XKR5: variants seen among roughly 807,000 people sequenced by gnomAD.
XKR5 encodes the protein XK-related protein 5.
XKR5 carries 46 observed loss-of-function variants against 40.8 expected under a neutral mutation model. That is an observed-to-expected ratio of 1.13 (90% CI 0.89 to 1.44). The LOEUF is 1.44. XKR5 is among the 40% of genes most tolerant of loss of function. The probability of loss-of-function intolerance (pLI) is 0.00; values close to 1 mark genes in which losing one functional copy is unlikely to be tolerated. For missense variants in XKR5, 1,169 were observed against 844.7 expected (o/e 1.38, Z -4.76); for synonymous variants, 466 against 356.1 (o/e 1.31, Z -3.48).
At position 6,820,243 on chromosome 8, in the gene XKR5, G is replaced by C. The variant is rs1431131952; in HGVS notation, c.807+1626C>G. ...CCCGGCCTGGATGGGTCTGTGCACAGCGAGAGAGATAAGGACACTCGTGCC... is the reference window on the plus strand; with the variant it reads ...CCCGGCCTGGATGGGTCTGTGCACACCGAGAGAGATAAGGACACTCGTGCC... On this transcript the variant is annotated intron_variant, in intron 5 of 6. Transcript: ENST00000618742. Among the ~76,000 whole-genome samples the C allele has an allele frequency of 2.6e-5, 4 of 152,364 alleles. No individual in the cohort carries two copies. In the South Asian group the frequency reaches 6.2e-4, roughly 24 times the overall value.
chr8:6,825,551 T>G (rs1804426443), intron 2 of XKR5, among the ~76,000 whole-genome samples: 1 of 151,416 alleles, frequency 6.6e-6, no homozygotes, highest in Non-Finnish European at 1.5e-5. Flanking sequence ...AGTCCTGTGG[T>G]GCTCAGCCAG....
chr8:6,819,224 C>G (rs1359993625), intron 5 of XKR5, among the ~76,000 whole-genome samples: 2 of 152,220 alleles, frequency 1.3e-5, no homozygotes, highest in African/African-American at 2.4e-5. Flanking sequence ...GGGGCCCATC[C>G]AGGGCCTGGG....
intron 5 of XKR5, among the ~76,000 whole-genome samples, chr8:6,821,093 G>A (rs1804208427): frequency 6.6e-6 from 1 of 152,190 alleles, no homozygotes; most frequent in African/African-American, 2.4e-5. Flanking sequence ...TGAAAAAGTA[G>A]GTTCAGACAG....
intron 2 of XKR5, among the ~76,000 whole-genome samples, chr8:6,827,645 A>G (rs1388521298): frequency 6.6e-6 from 1 of 152,236 alleles, no homozygotes; most frequent in Admixed American, 6.5e-5. Context: ...AAATGTAACC[A>G]TGAGGGCAGG....
At chr8:6,818,311 C>T (rs1804060335) in intron 5 of XKR5, among the ~76,000 whole-genome samples, 1 of 152,214 alleles carries the variant, frequency 6.6e-6, no homozygotes, top group Non-Finnish European at 1.5e-5. Flanking sequence ...TGCAGGTCCC[C>T]TCTGTAAACC....
intron 5 of XKR5, among the ~76,000 whole-genome samples, chr8:6,819,355 C>CTG (rs1804119077): frequency 6.6e-6 from 1 of 152,232 alleles, no homozygotes; most frequent in African/African-American, 2.4e-5. Context: ...CAGCAGGGTG[C>CTG]ACATCTCAGG....
chr8:6,811,986 C>T lies in XKR5; in HGVS notation c.1273G>A (p.Gly425Arg), dbSNP rs564689209. 1 of 1,537,322 alleles carries T rather than the reference C, an allele frequency of 6.5e-7. No individual in the cohort carries two copies. The highest frequency in any genetic ancestry group is 8.7e-7 in the Non-Finnish European group (1 of 1,146,930). Residue 425 changes from glycine to arginine, a missense_variant, in exon 7 of 7, where the codon GGA becomes AGA. Transcript: ENST00000618742. ...GNVSKINAAFGDNSPAYCPPA... is the reference protein window; with the variant it reads ...GNVSKINAAFRDNSPAYCPPA... ...GGACAATAGGCAGGACTGTTATCTC[C>T]AAAGGCGGCATTGATCTTAGACACA...
At position 6,808,612 on chromosome 8, in the gene XKR5, C is replaced by T. The variant is rs972472138; in HGVS notation, c.*2586G>A. ...CACCGGGCAATATGCTTTCTGGAGG[C>T]ATGAAGTGAGGAAGCCATCTGAGAA... On this transcript the variant is annotated 3_prime_UTR_variant, in exon 7 of 7. Coordinates refer to ENST00000618742, the MANE Select transcript of XKR5 (RefSeq NM_207411.5). The T allele has an allele frequency of 6.6e-6, 1 of 152,138 alleles. No individual in the cohort carries two copies. The highest frequency in any genetic ancestry group is 2.4e-5 in the African/African-American group (1 of 41,432). The allele number at this position is 152,138 out of a possible 1,614,324, so 9.4% of individuals were successfully genotyped here.
Position 6,811,783 on chromosome 8 carries a change from G to A in XKR5, c.1476C>T (p.Ser492=), listed in dbSNP as rs745671079. The change falls in exon 7 of 7, where the codon AGC becomes AGT. Residue 492 remains serine, a synonymous_variant. Coordinates refer to ENST00000618742, the MANE Select transcript of XKR5 (RefSeq NM_207411.5). ...GGGTAGGTGCTTCATCCTGCTGATCGCTGGCAAAAGATACGTAACTTGAGG... is the reference window on the plus strand; with the variant it reads ...GGGTAGGTGCTTCATCCTGCTGATCACTGGCAAAAGATACGTAACTTGAGG... ...LETSSYVSFA[S]DQQDEAPTQN... is the part of the protein sequence containing the mutation. The A allele has an allele frequency of 2.6e-5, 40 of 1,537,512 alleles. No individual in the cohort carries two copies. The highest frequency in any genetic ancestry group is 3.6e-5 in the South Asian group (3 of 84,062).
At chr8:6,830,638 G>A (rs1170763443) in intron 2 of XKR5, among the ~76,000 whole-genome samples, 2 of 151,608 alleles carry the variant, frequency 1.3e-5, no homozygotes, top group African/African-American at 4.8e-5. Context: ...TTTCTTTTTT[G>A]TTCTTTTAAG....
At chr8:6,817,906 G>A (rs553768145) in intron 5 of XKR5, among the ~76,000 whole-genome samples, 33 of 152,200 alleles carry the variant, frequency 2.2e-4, no homozygotes, top group African/African-American at 7.5e-4. Context: ...AGTGACAAGC[G>A]CCAATGAACA....
chr8:6,817,871 G>C (rs773477232), intron 5 of XKR5, among the ~76,000 whole-genome samples: 1 of 152,144 alleles, frequency 6.6e-6, no homozygotes, highest in African/African-American at 2.4e-5. Context: ...ATAAAGAAAT[G>C]AGAAATTTGT....
intron 6 of XKR5, among the ~76,000 whole-genome samples, chr8:6,812,662 G>A (rs546197189): frequency 7.9e-5 from 12 of 152,342 alleles, no homozygotes; most frequent in South Asian, 4.1e-4. Context: ...GTGTGTGTGC[G>A]TGTGTACACA....
chr8:6,821,192 C>T (rs1804211427), intron 5 of XKR5, among the ~76,000 whole-genome samples: 1 of 152,156 alleles, frequency 6.6e-6, no homozygotes, highest in Non-Finnish European at 1.5e-5. Flanking sequence ...AACCCATGCC[C>T]CACCAATGTG....
chr8:6,824,535 A>T (rs548622636), intron 3 of XKR5, among the ~76,000 whole-genome samples: 3 of 152,002 alleles, frequency 2.0e-5, no homozygotes, highest in Non-Finnish European at 4.4e-5. Flanking sequence ...AATTATTATT[A>T]TTATTATTAT....
intron 6 of XKR5, among the ~76,000 whole-genome samples, chr8:6,814,941 A>G (rs78129304): frequency 0.011 from 1,690 of 152,348 alleles, 33 homozygotes; most frequent in African/African-American, 0.039. Context: ...GAGCAAGAAA[A>G]GAACCCGAGG....
intron 1 of XKR5, among the ~76,000 whole-genome samples, chr8:6,834,198 G>C (rs1804897716): frequency 6.6e-6 from 1 of 152,190 alleles, no homozygotes; most frequent in African/African-American, 2.4e-5. Context: ...CACAGGCATC[G>C]TTTCACACAA....
chr8:6,819,222 T>C (rs1320928074), intron 5 of XKR5, among the ~76,000 whole-genome samples: 1 of 152,194 alleles, frequency 6.6e-6, no homozygotes, highest in Admixed American at 6.5e-5. Context: ...CTGGGGCCCA[T>C]CCAGGGCCTG....
chr8:6,829,963 A>G (rs968971624), intron 2 of XKR5, among the ~76,000 whole-genome samples: 23 of 144,454 alleles, frequency 1.6e-4, no homozygotes, highest in South Asian at 8.7e-4. Flanking sequence ...TCAGCCTCCC[A>G]AGTAGCTGGG....
Sources: allele counts gnomAD v4.1 joint callset (sites outside exome capture counted in the v4.1 genomes callset), GRCh38; gene constraint gnomAD v4.1.1; transcripts MANE v1.5; gene names NCBI Gene and HGNC (gene_info 2026-07-23, HGNC 2026-07-21).